Variants in M1AP observed in about 807,000 individuals in gnomAD.
M1AP encodes meiosis 1 associated protein, also known as meiosis 1 arrest protein.
A neutral mutation model predicts 51.2 loss-of-function variants in M1AP; 39 were observed. That is an observed-to-expected ratio of 0.76 (90% CI 0.59 to 1.00). M1AP has a LOEUF of 1.00. Ranked by LOEUF, M1AP falls within the 50% of genes least tolerant of loss-of-function variation. The pLI is 0.00. For missense variants in M1AP, 545 were observed against 641.2 expected, an observed-to-expected ratio of 0.85 and a Z score of 1.62; for synonymous variants, 251 against 249.2, an observed-to-expected ratio of 1.01 and a Z score of -0.07.
At chr2:74,565,532 G>T (rs1365350236) in intron 7 of M1AP, among the ~76,000 whole-genome samples, 1 of 151,960 alleles carries the variant, frequency 6.6e-6, no homozygotes, top group African/African-American at 2.4e-5. Flanking sequence ...AATAGATGGA[G>T]AAAAAACATT....
intron 7 of M1AP, among the ~76,000 whole-genome samples, chr2:74,572,134 A>T (rs576762544): frequency 6.6e-6 from 1 of 152,206 alleles, no homozygotes; most frequent in Admixed American, 6.5e-5. Context: ...CGTTGTTATG[A>T]GTACTGTGCC....
intron 1 of M1AP, among the ~76,000 whole-genome samples, chr2:74,647,641 C>T (rs147459900): frequency 2.0e-5 from 3 of 152,150 alleles, no homozygotes; most frequent in Non-Finnish European, 4.4e-5. Flanking sequence ...CGCCTGTAAT[C>T]GCAGCACTTT....
At chr2:74,628,634 A>T in intron 2 of M1AP, 1 of 679,652 alleles carries the variant, frequency 1.5e-6, no homozygotes, top group Non-Finnish European at 2.6e-6. Flanking sequence ...CAAACACCCA[A>T]TGGTTCTTTC....
At chr2:74,635,372 C>G (rs1682926518) in intron 2 of M1AP, among the ~76,000 whole-genome samples, 1 of 152,032 alleles carries the variant, frequency 6.6e-6, no homozygotes, top group Admixed American at 6.6e-5. Context: ...TTTTCTTTTT[C>G]TATTTTCCTT....
chr2:74,627,760 C>A lies in M1AP; in HGVS notation c.240+12276G>T, dbSNP rs1479306710. 4.6e-5 allele frequency among the ~76,000 whole-genome samples: 7 copies of A among 152,118 alleles called. No homozygotes were observed. The South Asian group carries it at 1.5e-3, about 32-fold the overall frequency. On this transcript the variant is annotated intron_variant, in intron 2 of 10. Coordinates refer to ENST00000421985, the MANE Select transcript of M1AP (RefSeq NM_001321739.2). ...ATAACATTTTAGAAACTAGTTAATA[C>A]CACTAGCCCTAATTTGGTTTTCACT...
chr2:74,646,394 T>C (rs1373040669), intron 1 of M1AP, among the ~76,000 whole-genome samples: 1 of 152,178 alleles, frequency 6.6e-6, no homozygotes, highest in Non-Finnish European at 1.5e-5. Context: ...CTCCACCTGA[T>C]AGACTCTAGA....
At chr2:74,561,208 G>GAGGAGGAGA (rs1677963656) in intron 8 of M1AP, among the ~76,000 whole-genome samples, 3 of 133,934 alleles carry the variant, frequency 2.2e-5, no homozygotes, top group African/African-American at 6.0e-5. Context: ...GAAGGAGGAG[G>GAGGAGGAGA]AGGAGGAGAA....
intron 4 of M1AP, among the ~76,000 whole-genome samples, chr2:74,586,156 A>G (rs913033912): frequency 6.6e-6 from 1 of 152,180 alleles, no homozygotes; most frequent in Non-Finnish European, 1.5e-5. Flanking sequence ...TATTCCTTCC[A>G]TTATTATAGT....
At chr2:74,568,314 C>A (rs1373354489) in intron 7 of M1AP, among the ~76,000 whole-genome samples, 3 of 152,214 alleles carry the variant, frequency 2.0e-5, no homozygotes, top group Non-Finnish European at 4.4e-5. Flanking sequence ...ACTGGTTCTC[C>A]TGCCTAGAAC....
At chr2:74,579,283 G>A (rs1679263418) in intron 5 of M1AP, among the ~76,000 whole-genome samples, 1 of 152,174 alleles carries the variant, frequency 6.6e-6, no homozygotes, top group Admixed American at 6.5e-5. Context: ...GGCCTCTGAG[G>A]GCACCAGCCC....
chr2:74,612,933 T>G (rs1436716141), intron 3 of M1AP, among the ~76,000 whole-genome samples: 1 of 152,254 alleles, frequency 6.6e-6, no homozygotes, highest in South Asian at 2.1e-4. Flanking sequence ...CCTTTTATAG[T>G]TGTCCCACAG....
At chr2:74,600,574 GA>G (rs1473705529) in intron 4 of M1AP, among the ~76,000 whole-genome samples, 2 of 152,136 alleles carry the variant, frequency 1.3e-5, no homozygotes, top group African/African-American at 2.4e-5. Flanking sequence ...GGCATTTAAG[GA>G]CAAAGAAAGC....
At position 74,635,565 on chromosome 2, in the gene M1AP, T is replaced by C. The variant is rs771801307; in HGVS notation, c.240+4471A>G. ...TCTAGTTTCTTGAGGTGGGAGTTTA[T>C]ATTACTGATTTGACTTTTCTCTTTT... is the stretch of plus-strand genomic sequence containing the variant. On this transcript the variant is annotated intron_variant, in intron 2 of 10. Transcript: ENST00000421985. 3.3e-5 allele frequency among the ~76,000 whole-genome samples: 5 copies of C among 152,078 alleles called. No individual in the cohort carries two copies. The South Asian group carries it at 8.3e-4, about 25-fold the overall frequency.
At chr2:74,569,011 G>A (rs1678555295) in intron 7 of M1AP, among the ~76,000 whole-genome samples, 1 of 152,142 alleles carries the variant, frequency 6.6e-6, no homozygotes, top group Non-Finnish European at 1.5e-5. Context: ...CAAAAGACAT[G>A]TGCCACATGT....
intron 4 of M1AP, among the ~76,000 whole-genome samples, chr2:74,602,134 G>A (rs915514807): frequency 6.6e-6 from 1 of 152,126 alleles, no homozygotes; most frequent in Non-Finnish European, 1.5e-5. Flanking sequence ...AGTTATGGCT[G>A]TTTGGGACAT....
chr2:74,560,380 G>A (rs1284666730), intron 8 of M1AP, 89 bp from the exon 9 acceptor site: 10 of 1,384,806 alleles, frequency 7.2e-6, no homozygotes, highest in South Asian at 1.4e-5. Flanking sequence ...GTGAGGGGCT[G>A]GAGGAAGTGT....
At chr2:74,617,042 T>C (rs1681710121) in intron 2 of M1AP, among the ~76,000 whole-genome samples, 1 of 152,238 alleles carries the variant, frequency 6.6e-6, no homozygotes, top group African/African-American at 2.4e-5. Context: ...GAAATGTAAC[T>C]TAACTCCAAT....
At chr2:74,589,624 T>C (rs1035111847) in intron 4 of M1AP, among the ~76,000 whole-genome samples, 2 of 152,202 alleles carry the variant, frequency 1.3e-5, no homozygotes, top group Admixed American at 6.5e-5. Context: ...TGTGTGGTGC[T>C]GGCAGGCAGT....
chr2:74,572,342 C>T (rs114207113), intron 7 of M1AP, among the ~76,000 whole-genome samples: 19 of 152,278 alleles, frequency 1.2e-4, no homozygotes, highest in Admixed American at 3.9e-4. Flanking sequence ...TCCCACCCCC[C>T]CTAAGCAGTG....
Sources: gnomAD v4.1 joint callset for allele counts (sites outside exome capture counted in the v4.1 genomes callset) on GRCh38, gnomAD v4.1.1 for gene constraint, MANE v1.5 for transcripts, NCBI Gene and HGNC (gene_info 2026-07-23, HGNC 2026-07-21) for gene names.